MAP3K15: variants seen among roughly 807,000 people sequenced by gnomAD.
MAP3K15 encodes the protein mitogen-activated protein kinase kinase kinase 15.
MAP3K15 carries 124 observed loss-of-function variants against 99.5 expected under a neutral mutation model. The ratio of observed to expected loss-of-function variants is 1.25; its 90% CI spans 1.08 to 1.45. The LOEUF (loss-of-function observed/expected upper bound fraction) is 1.45. Among genes scored for constraint, MAP3K15 ranks in the 40% most tolerant of loss-of-function variants. MAP3K15 has a pLI of 0.00. For missense variants in MAP3K15, 1,242 were observed against 1,079.7 expected, an observed-to-expected ratio of 1.15 and a Z score of -2.11; for synonymous variants, 494 against 439.6, an observed-to-expected ratio of 1.12 and a Z score of -1.55.
chrX:19,461,231 G>A (rs1020375752), intron 4 of MAP3K15, among the ~76,000 whole-genome samples: 29 of 111,726 alleles, frequency 2.6e-4, no homozygotes, highest in Admixed American at 1.8e-3. Flanking sequence ...CACCCGCCTC[G>A]GCCTCCCAAA....
intron 1 of MAP3K15, among the ~76,000 whole-genome samples, chrX:19,501,620 G>A (rs1569244847): frequency 8.9e-6 from 1 of 112,425 alleles, no homozygotes; most frequent in East Asian, 2.8e-4. Flanking sequence ...AACAGGAGAA[G>A]CCAGCTGTCA....
At chrX:19,471,835 T>A (rs1202209483) in intron 3 of MAP3K15, among the ~76,000 whole-genome samples, 2 of 112,375 alleles carry the variant, frequency 1.8e-5, no homozygotes, top group African/African-American at 6.5e-5. Flanking sequence ...AAGAATTTTA[T>A]ATCCACTAAA....
chrX:19,424,910 G>A (rs534281044), intron 9 of MAP3K15, among the ~76,000 whole-genome samples: 1 of 108,630 alleles, frequency 9.2e-6, no homozygotes, highest in Non-Finnish European at 1.9e-5. Flanking sequence ...GCCTCCGAGA[G>A]TGCCAGGATT....
At position 19,464,237 on chromosome X, in the gene MAP3K15, A is replaced by C; in HGVS notation, c.695T>G (p.Leu232Arg). ...CCATGAGGTCACGTGGATGTCCTTA[A>C]GGAGGCTAATGAACCTGTCCACCAA... The part of the protein sequence containing the change: ...MPLVDRFISL[L>R]KDIHVTSCVY... The change falls in exon 4 of 29, where the codon CTT (leucine) becomes CGT (arginine). Residue 232 changes from leucine to arginine, a missense_variant. Transcript: ENST00000338883. 8.3e-7 allele frequency: 1 copy of C among 1,199,769 alleles called. No individual in the cohort carries two copies. The highest frequency in any genetic ancestry group is 1.1e-6 in the Non-Finnish European group (1 of 894,878).
intron 23 of MAP3K15, 104 bp from the exon 24 acceptor site, chrX:19,371,168 C>T: frequency 1.3e-6 from 1 of 786,946 alleles, no homozygotes; most frequent in African/African-American, 2.1e-5. Flanking sequence ...CTCTTGGGGG[C>T]CGCATGCAAT....
chrX:19,369,779 G>A (rs1267415987), intron 24 of MAP3K15, among the ~76,000 whole-genome samples: 12 of 110,722 alleles, frequency 1.1e-4, no homozygotes, highest in African/African-American at 2.6e-4. Flanking sequence ...GTGTGGTGGC[G>A]CGCACCTGTA....
chrX:19,385,582 G>A (rs2063489088), intron 18 of MAP3K15, among the ~76,000 whole-genome samples: 1 of 111,043 alleles, frequency 9.0e-6, no homozygotes. Context: ...GCACTTGATG[G>A]CTTACCAATT....
rs2063530740 is a variant in MAP3K15 at position 19,391,936 on chromosome X, A to T, written c.2431+66T>A. On this transcript the variant is annotated intron_variant, in intron 18 of 28. Transcript: ENST00000338883. ...GTGCTCACTAAGTAACGGCTGAACA[A>T]CCGCAGCTTGTGCAGAAAGCGTAAC... 5.0e-6 allele frequency: 4 copies of T among 806,973 alleles called. No homozygotes were observed. The Admixed American group carries it at 9.4e-5, about 19-fold the overall frequency. The allele number at this position is 806,973 out of a possible 1,213,427, so 66.5% of individuals were successfully genotyped here.
At chrX:19,374,161 G>T (rs1475771758) in intron 20 of MAP3K15, among the ~76,000 whole-genome samples, 1 of 110,976 alleles carries the variant, frequency 9.0e-6, no homozygotes, top group Non-Finnish European at 1.9e-5. Flanking sequence ...TGGTGAAGAC[G>T]CAGAACCCCA....
rs150452622 is a variant in MAP3K15 at position 19,367,323 on chromosome X, A to G, written c.3566+1731T>C. 3.1e-3 allele frequency among the ~76,000 whole-genome samples: 348 copies of G among 111,141 alleles called. 1 individual carries two copies. The highest frequency in any genetic ancestry group is 5.4e-3 in the Non-Finnish European group (286 of 52,999). ...GGAACAACACACACTGGGGCCTACC[A>G]GAGGGTGGAGGCTGGGAGGAGGATC... On this transcript the variant is annotated intron_variant, in intron 25 of 28. Coordinates refer to ENST00000338883, the MANE Select transcript of MAP3K15 (RefSeq NM_001001671.4).
chrX:19,470,821 A>G (rs1382504887), intron 3 of MAP3K15, among the ~76,000 whole-genome samples: 2 of 112,387 alleles, frequency 1.8e-5, no homozygotes, highest in Non-Finnish European at 3.7e-5. Flanking sequence ...AAGGACCCAG[A>G]TATTAAATGT....
chrX:19,414,510 T>C (rs747996906), intron 10 of MAP3K15, among the ~76,000 whole-genome samples: 1 of 112,396 alleles, frequency 8.9e-6, no homozygotes, highest in East Asian at 2.8e-4. Flanking sequence ...CATTCACATA[T>C]TTCACTCATG....
At chrX:19,403,460 CT>C (rs144389481) in intron 13 of MAP3K15, among the ~76,000 whole-genome samples, 306 of 86,952 alleles carry the variant, frequency 3.5e-3, no homozygotes, top group East Asian at 7.5e-3. Flanking sequence ...TTATTCTATT[CT>C]TTTTTTTTTT....
At chrX:19,409,994 A>G (rs2063675163) in intron 11 of MAP3K15, 21 bp from the exon 12 acceptor site, 1 of 1,180,021 alleles carries the variant, frequency 8.5e-7, no homozygotes, top group African/African-American at 1.7e-5. Context: ...TCAAAGACAG[A>G]AGTCAATAGT....
In MAP3K15 at chrX:19,392,095, G is replaced by C; in HGVS notation, c.2338C>G (p.Leu780Val). ...ACCACTCCGCTGTAGGTGTTCACCA[G>C]AACATTATCGCCCTTCGGAAAATAA... ...VHRDIKGDNVLVNTYSGVVKI... is the reference protein window; with the variant it reads ...VHRDIKGDNVVVNTYSGVVKI... The change falls in exon 18 of 29, where the codon CTG becomes GTG. Residue 780 changes from leucine to valine, a missense_variant. Coordinates refer to ENST00000338883, the MANE Select transcript of MAP3K15 (RefSeq NM_001001671.4). 1 of 1,206,683 alleles carries C rather than the reference G, an allele frequency of 8.3e-7. No individual in the cohort carries two copies.
intron 3 of MAP3K15, among the ~76,000 whole-genome samples, chrX:19,475,514 C>A (rs1311912133): frequency 4.5e-5 from 5 of 111,178 alleles, no homozygotes; most frequent in Non-Finnish European, 7.5e-5. Flanking sequence ...AGGCTAAAAA[C>A]CCCCAATCGT....
At chrX:19,420,892 A>C (rs1282199175) in intron 9 of MAP3K15, among the ~76,000 whole-genome samples, 10 of 111,908 alleles carry the variant, frequency 8.9e-5, no homozygotes, top group Non-Finnish European at 1.7e-4. Flanking sequence ...GCAAATCAAT[A>C]AATGTAATCC....
chrX:19,428,537 A>T (rs983520115), intron 7 of MAP3K15, among the ~76,000 whole-genome samples: 4 of 90,875 alleles, frequency 4.4e-5, no homozygotes, highest in Non-Finnish European at 9.2e-5. Flanking sequence ...GTGGAAGGGA[A>T]TAAGATCTAC....
At chrX:19,424,311 T>TATATACATATATATACACAC (rs1555952996) in intron 9 of MAP3K15, among the ~76,000 whole-genome samples, 1,787 of 87,346 alleles carry the variant, frequency 0.02, 55 homozygotes, top group African/African-American at 0.11. Flanking sequence ...TATACACACA[T>TATATACATATATATACACAC]ATATATACAT....
Sources: gnomAD v4.1 joint callset for allele counts (sites outside exome capture counted in the v4.1 genomes callset) on GRCh38, gnomAD v4.1.1 for gene constraint, MANE v1.5 for transcripts, NCBI Gene and HGNC (gene_info 2026-07-23, HGNC 2026-07-21) for gene names.